Variants in NAA38 observed in about 807,000 individuals in gnomAD.
NAA38 encodes N-alpha-acetyltransferase 38, NatC auxiliary subunit, also known as LSM domain containing 1.
NAA38 carries 15 observed loss-of-function variants against 12.6 expected under a neutral mutation model. The observed-to-expected ratio is 1.19, with a 90% CI of 0.79 to 1.83. The LOEUF is 1.83. NAA38 is among the 40% of genes most tolerant of loss of function. NAA38 has a pLI of 0.00. For synonymous variants in NAA38, 88 were observed against 69.9 expected (o/e 1.26, Z -1.29); for missense variants, 183 against 171.7 (o/e 1.07, Z -0.37).
intron 2 of NAA38, among the ~76,000 whole-genome samples, chr17:7,875,342 G>GC (rs1967157496): frequency 6.8e-6 from 1 of 147,746 alleles, no homozygotes; most frequent in Non-Finnish European, 1.5e-5. Context: ...GGTTTGTACT[G>GC]TTTTTTTTTT....
At chr17:7,872,430 C>T (rs1157505257) in intron 2 of NAA38, among the ~76,000 whole-genome samples, 1 of 152,146 alleles carries the variant, frequency 6.6e-6, no homozygotes. Context: ...AGTGCAGTGG[C>T]ACAATCTTGG....
At chr17:7,867,220 G>A (rs900673077) in intron 2 of NAA38, among the ~76,000 whole-genome samples, 1 of 152,126 alleles carries the variant, frequency 6.6e-6, no homozygotes, top group African/African-American at 2.4e-5. Context: ...GAGACGCTGA[G>A]CCAGACCAAA....
chr17:7,858,727 G>A, upstream of NAA38: 1 of 1,607,902 alleles, frequency 6.2e-7, no homozygotes, highest in African/African-American at 1.3e-5. Context: ...GGGAAGCCCT[G>A]GTGGCAGGGG....
At position 7,866,590 on chromosome 17, in the gene NAA38, C is replaced by T. The variant is rs993764227; in HGVS notation, c.-65-32G>A. ...TGCCCCCCAAGCTTTGCATCAGAGC[C>T]TTCCTACATGCTGTTCCTCTGTGTG... On this transcript the variant is annotated intron_variant, in intron 2 of 4. Coordinates refer to the NAA38 transcript ENST00000576861. 5 of 1,058,680 alleles carry T rather than the reference C, an allele frequency of 4.7e-6. No individual in the cohort carries two copies. In the African/African-American group the frequency reaches 6.6e-5, roughly 14 times the overall value. 65.6% of individuals were successfully genotyped at this position (1,058,680 alleles called of 1,614,324 possible).
At chr17:7,884,833 G>C in intron 1 of NAA38, 3 of 978,276 alleles carry the variant, frequency 3.1e-6, no homozygotes, top group East Asian at 3.3e-5. Flanking sequence ...GGGACGAGGA[G>C]GAGGAGGAGG....
chr17:7,872,613 G>A (rs1388796240), intron 2 of NAA38, among the ~76,000 whole-genome samples: 5 of 152,188 alleles, frequency 3.3e-5, no homozygotes, highest in South Asian at 2.1e-4. Context: ...CGCCCACCTC[G>A]GCCTCGCAAA....
chr17:7,884,768 CGGTGGGTGGGGGGGT>C, intron 1 of NAA38: 1 of 93,858 alleles, frequency 1.1e-5, no homozygotes, highest in Non-Finnish European at 1.7e-5. Flanking sequence ...GGCGGGCGGG[CGGTGGGTGGGGGGGT>C]GGTGGGGGGG....
chr17:7,863,187 C>A (rs1273582304), intron 3 of NAA38: 2 of 152,116 alleles, frequency 1.3e-5, no homozygotes, highest in Admixed American at 6.5e-5. Flanking sequence ...TAAAAAAAAT[C>A]TTTCCAGTAG....
intron 2 of NAA38, among the ~76,000 whole-genome samples, chr17:7,880,755 C>T (rs1967257691): frequency 6.6e-6 from 1 of 152,144 alleles, no homozygotes; most frequent in Non-Finnish European, 1.5e-5. Context: ...ATGCCTTCTC[C>T]AATACACATT....
chr17:7,872,573 G>A (rs908322976), intron 2 of NAA38, among the ~76,000 whole-genome samples: 16 of 152,192 alleles, frequency 1.1e-4, no homozygotes, highest in Admixed American at 9.8e-4. Flanking sequence ...ATGTCGGTCA[G>A]GCTGGTCTTG....
chr17:7,856,831 GC>G lies in NAA38; in HGVS notation c.277del (p.Ala93ProfsTer27). ...EFLKPSDSFS[A>X]GEPRVLGLAM... ...CAGGCCCAGCACACGGGGCTCCCCG[GC>G]AGAGAAGGAATCTGGAAAGAAGGAT... On this transcript the variant is annotated frameshift_variant, in exon 3 of 3. Transcript: ENST00000575771. LOFTEE classifies it high-confidence loss of function. The G allele has an allele frequency of 6.2e-7, 1 of 1,613,750 alleles. No individual in the cohort carries two copies. Among genetic ancestry groups the G allele is most frequent in the African/African-American group, 1.3e-5 (1 of 75,026 alleles).
rs1024681594 is a variant in NAA38, at chr17:7,857,152, T to C, written c.128A>G (p.Gln43Arg). 3 of 1,612,918 alleles carry C rather than the reference T, an allele frequency of 1.9e-6. No homozygotes were observed. The highest frequency in any genetic ancestry group is 1.3e-5 in the African/African-American group (1 of 74,952). Residue 43 changes from glutamine to arginine, a missense_variant, in exon 2 of 3, where the codon CAG becomes CGG. Coordinates refer to ENST00000575771, the MANE Select transcript of NAA38 (RefSeq NM_001320925.4). ...CTTGTTGAGCAGCGCCTCTAGCTGC[T>C]GTCGGGCGCGCTCAGCCGCCGAGTC... ...REDSAAERAR[Q>R]QLEALLNKTM...
intron 2 of NAA38, among the ~76,000 whole-genome samples, chr17:7,882,141 G>T (rs1967284231): frequency 6.6e-6 from 1 of 152,160 alleles, no homozygotes; most frequent in Admixed American, 6.5e-5. Context: ...AGAGAATGAT[G>T]AGTGTTTGTA....
chr17:7,857,915 C>T, upstream of NAA38: 1 of 1,419,812 alleles, frequency 7.0e-7, no homozygotes, highest in South Asian at 1.5e-5. Context: ...ATGCCCCACG[C>T]GGGACTCATA....
At chr17:7,859,652 C>G (rs371586358), upstream of NAA38, 4,173 of 1,597,268 alleles carry the variant, frequency 2.6e-3, 7 homozygotes, top group Non-Finnish European at 3.3e-3. Context: ...AGACGTATTT[C>G]GAGTTTGGCT....
chr17:7,872,908 G>A (rs1421142740), intron 2 of NAA38, among the ~76,000 whole-genome samples: 2 of 152,158 alleles, frequency 1.3e-5, no homozygotes, highest in East Asian at 1.9e-4. Flanking sequence ...ATACGACAGT[G>A]GAGAAGGGTG....
intron 2 of NAA38, among the ~76,000 whole-genome samples, chr17:7,883,019 G>C (rs774290809): frequency 2.6e-5 from 4 of 152,178 alleles, no homozygotes; most frequent in Non-Finnish European, 5.9e-5. Context: ...GAATGAAAGA[G>C]GGTAGAACTG....
chr17:7,873,636 C>T (rs948289854), intron 2 of NAA38, among the ~76,000 whole-genome samples: 4 of 151,828 alleles, frequency 2.6e-5, no homozygotes, highest in Non-Finnish European at 4.4e-5. Context: ...GTTAGAGGAT[C>T]GCTGCTAACC....
exon 1 of NAA38, chr17:7,885,178 C>G: frequency 1.0e-6 from 1 of 978,216 alleles, no homozygotes; most frequent in Non-Finnish European, 1.2e-6. Flanking sequence ...GCGGCCGAGC[C>G]GAGGCGAATC....
Sources: gnomAD v4.1 joint callset for allele counts (sites outside exome capture counted in the v4.1 genomes callset) on GRCh38, gnomAD v4.1.1 for gene constraint, MANE v1.5 for transcripts, NCBI Gene and HGNC (gene_info 2026-07-23, HGNC 2026-07-21) for gene names.